Variants in GCKR observed in about 807,000 individuals in gnomAD.
The protein encoded by GCKR is glucokinase regulator.
A neutral mutation model predicts 82.9 loss-of-function variants in GCKR; 73 were observed. The observed-to-expected ratio is 0.88, with a 90% CI of 0.73 to 1.07. The LOEUF (loss-of-function observed/expected upper bound fraction) is 1.07. Ranked by LOEUF, GCKR falls within the 50% of genes least tolerant of loss-of-function variation. The probability of loss-of-function intolerance (pLI) is 0.00; values close to 1 mark genes in which losing one functional copy is unlikely to be tolerated. For synonymous variants in GCKR, 294 were observed against 291.8 expected, an observed-to-expected ratio of 1.01 and a Z score of -0.08; for missense variants, 784 against 782.1, an observed-to-expected ratio of 1.00 and a Z score of -0.03.
chr2:27,517,444 G>A (rs1301139055), intron 16 of GCKR, among the ~76,000 whole-genome samples: 2 of 152,138 alleles, frequency 1.3e-5, no homozygotes, highest in Admixed American at 6.5e-5. Context: ...AAGGAGAAGT[G>A]CCAAGTGAAG....
chr2:27,520,774 G>A (rs536838448), intron 17 of GCKR, among the ~76,000 whole-genome samples: 16 of 152,254 alleles, frequency 1.1e-4, no homozygotes, highest in African/African-American at 3.1e-4. Flanking sequence ...GGTGGCTCAC[G>A]CCTGTAATCC....
chr2:27,498,099 T>C (rs188038238), intron 3 of GCKR, among the ~76,000 whole-genome samples, 156 bp from the exon 4 acceptor site: 40 of 152,344 alleles, frequency 2.6e-4, no homozygotes, highest in African/African-American at 9.6e-4. Context: ...CCAATGTTCT[T>C]TTTGCTACAC....
chr2:27,498,468 T>A, intron 4 of GCKR, 145 bp downstream of exon 4: 1 of 693,166 alleles, frequency 1.4e-6, no homozygotes, highest in Non-Finnish European at 2.6e-6. Context: ...TTCCAAAAGC[T>A]AGATGTCACC....
chr2:27,522,897 G>GTTT (rs34507360), intron 18 of GCKR, among the ~76,000 whole-genome samples: 1 of 134,960 alleles, frequency 7.4e-6, no homozygotes, highest in Non-Finnish European at 1.6e-5. Flanking sequence ...CCAGGGTTCT[G>GTTT]TTTTTTTTTT....
chr2:27,512,153 C>T (rs1440565547), intron 16 of GCKR, among the ~76,000 whole-genome samples: 1 of 148,164 alleles, frequency 6.7e-6, no homozygotes, highest in African/African-American at 2.5e-5. Context: ...GCAGAAGAAT[C>T]GCTTGAACCT....
Position 27,498,755 on chromosome 2 carries a change from G to T in GCKR, c.386G>T (p.Gly129Val). The T allele has an allele frequency of 6.2e-7, 1 of 1,609,300 alleles. No homozygotes were observed. Among genetic ancestry groups the T allele is most frequent in the Non-Finnish European group, 8.5e-7 (1 of 1,175,662 alleles). Residue 129 changes from glycine (G) to valine (V), a missense_variant, in exon 5 of 19, where the codon GGA (glycine) becomes GTA (valine). Physicochemically the swap from Gly to Val is moderately radical, Grantham distance 109. Coordinates refer to ENST00000264717, the MANE Select transcript of GCKR (RefSeq NM_001486.4). ...VSFNQLMKGL[G>V]QKPLYTYLIA... ...TTTAATCAGCTGATGAAAGGTCTGG[G>T]ACAGAAACCTCTTTACACCTACCTC...
intron 16 of GCKR, among the ~76,000 whole-genome samples, chr2:27,517,202 C>T (rs1458287171): frequency 6.6e-6 from 1 of 151,800 alleles, no homozygotes; most frequent in South Asian, 2.1e-4. Context: ...TTAGTAGAGA[C>T]GGGGTTTCAC....
In GCKR at chr2:27,518,864, T is replaced by G. The variant is rs199910872; in HGVS notation, c.1499T>G (p.Ile500Ser). 6 of 1,610,338 alleles carry G rather than the reference T, an allele frequency of 3.7e-6. No individual in the cohort carries two copies. Among genetic ancestry groups the G allele is most frequent in the South Asian group, 1.1e-5 (1 of 90,996 alleles). The stretch of plus-strand genomic sequence containing the variant: ...GGTGCTCATGTGCTTCTTGGTAAGA[T>G]CCTACAAAACCACATGTTGGACCTT... The part of the protein sequence containing the change: ...STGAHVLLGK[I>S]LQNHMLDLRI... Residue 500 changes from isoleucine to serine, a missense_variant, in exon 17 of 19, where the codon ATC becomes AGC. By Grantham distance (142) the Ile-to-Ser change is moderately radical. Coordinates refer to ENST00000264717, the MANE Select transcript of GCKR (RefSeq NM_001486.4).
In GCKR at chr2:27,498,282, A is replaced by C. The variant is rs1456646191; in HGVS notation, c.313A>C (p.Ser105Arg). ...KEPDGGLVVL[S>R]GGGTSGRMAF... is the part of the protein sequence containing the mutation. Reference sequence around the variant, plus strand: ...GCCAGATGGGGGGCTGGTTGTGCTGAGTGGAGGGGGCACCTCTGGCCGGAT... The same window carrying C: ...GCCAGATGGGGGGCTGGTTGTGCTGCGTGGAGGGGGCACCTCTGGCCGGAT... The change falls in exon 4 of 19, where the codon AGT becomes CGT. Residue 105 changes from serine to arginine, a missense_variant. By Grantham distance (110) the Ser-to-Arg change is moderately radical. Coordinates refer to ENST00000264717, the MANE Select transcript of GCKR (RefSeq NM_001486.4). The C allele has an allele frequency of 1.9e-6, 3 of 1,613,558 alleles. No individual in the cohort carries two copies. The Admixed American group carries it at 5.0e-5, about 27-fold the overall frequency.
rs1399624786 is a variant in GCKR at position 27,505,832 on chromosome 2, C to G, written c.865C>G (p.Gln289Glu). The G allele has an allele frequency of 6.7e-7, 1 of 1,495,992 alleles. No individual in the cohort carries two copies. The highest frequency in any genetic ancestry group is 1.1e-5 in the South Asian group (1 of 88,738). 92.7% of individuals were successfully genotyped at this position (1,495,992 alleles called of 1,614,324 possible). ...KTVDQGIAAS[Q>E]RCLLEILRTF... Reference sequence around the variant, plus strand: ...TGTGGACCAGGGCATTGCAGCATCTCAAAGGTAGGGAGGATCTGGATAAGA... The same window carrying G: ...TGTGGACCAGGGCATTGCAGCATCTGAAAGGTAGGGAGGATCTGGATAAGA... Residue 289 changes from glutamine (Q) to glutamate (E), a missense_variant, in exon 10 of 19, where the codon CAA becomes GAA. Transcript: ENST00000264717.
At chr2:27,522,357 G>A (rs1410246853) in intron 17 of GCKR, 103 bp from the exon 18 acceptor site, 54 of 1,180,456 alleles carry the variant, frequency 4.6e-5, no homozygotes, top group South Asian at 1.1e-4. Flanking sequence ...GCCAGGCCTC[G>A]GGATCCCAGC....
intron 8 of GCKR, among the ~76,000 whole-genome samples, chr2:27,503,239 A>G (rs1484786086): frequency 6.6e-6 from 1 of 152,238 alleles, no homozygotes; most frequent in Admixed American, 6.5e-5. Flanking sequence ...GGGCTTATGC[A>G]AGGAGCAGGA....
intron 16 of GCKR, among the ~76,000 whole-genome samples, chr2:27,517,120 C>T (rs1572873769): frequency 6.6e-6 from 1 of 150,754 alleles, no homozygotes; most frequent in Admixed American, 6.7e-5. Context: ...TCAAGTGATT[C>T]TCCTGCCTCA....
At chr2:27,509,240 G>C (rs1008865439) in intron 16 of GCKR, among the ~76,000 whole-genome samples, 4 of 152,180 alleles carry the variant, frequency 2.6e-5, no homozygotes, top group Non-Finnish European at 4.4e-5. Context: ...GGCTTGACCA[G>C]ACACAGCTGA....
intron 17 of GCKR, 107 bp downstream of exon 17, chr2:27,519,044 C>T: frequency 2.0e-6 from 2 of 990,134 alleles, no homozygotes; most frequent in Non-Finnish European, 3.2e-6. Flanking sequence ...TACAGGCTGC[C>T]TTTTCTGTGT....
At chr2:27,506,202 T>C (rs1669737733) in intron 10 of GCKR, among the ~76,000 whole-genome samples, 2 of 152,158 alleles carry the variant, frequency 1.3e-5, no homozygotes. Flanking sequence ...GCCTCACTCC[T>C]AGGCTGCTCA....
intron 16 of GCKR, among the ~76,000 whole-genome samples, chr2:27,512,548 AAAG>A (rs1027770044): frequency 2.0e-5 from 3 of 152,046 alleles, no homozygotes; most frequent in South Asian, 2.1e-4. Flanking sequence ...AAAAAAAAAA[AAAG>A]AAGATAATTG....
In GCKR at chr2:27,506,052, G is replaced by A. The variant is rs116165635; in HGVS notation, c.869+216G>A. 4.8e-3 allele frequency among the ~76,000 whole-genome samples: 735 copies of A among 152,288 alleles called. 2 individuals carry two copies. The highest frequency in any genetic ancestry group is 9.1e-3 in the Non-Finnish European group (622 of 68,016). On this transcript the variant is annotated intron_variant, in intron 10 of 18. Transcript: ENST00000264717. ...TTTCCAGTGGATCCTGGATTCCTCA[G>A]GCCCAGACCTAATCCCTGAGCCTGC...
intron 8 of GCKR, chr2:27,501,798 T>A: frequency 2.1e-6 from 1 of 471,106 alleles, no homozygotes; most frequent in Non-Finnish European, 4.4e-6. Context: ...CAGTGGTCAC[T>A]CTTATTTCAG....
Sources: allele counts gnomAD v4.1 joint callset (sites outside exome capture counted in the v4.1 genomes callset), GRCh38; gene constraint gnomAD v4.1.1; transcripts MANE v1.5; gene names NCBI Gene and HGNC (gene_info 2026-07-23, HGNC 2026-07-21).